CDK5RAP2: variants seen among roughly 807,000 people sequenced by gnomAD.
The protein encoded by CDK5RAP2 is CDK5 regulatory subunit associated protein 2, also known as CDK5 regulatory subunit-associated protein 2.
In CDK5RAP2, 147 loss-of-function variants were observed where a neutral mutation model predicts 232.9. The observed-to-expected ratio is 0.63, with a 90% CI of 0.55 to 0.72. The LOEUF (loss-of-function observed/expected upper bound fraction) is 0.72, where lower values mean the gene tolerates loss of function less well. Ranked by LOEUF, CDK5RAP2 falls within the 30% of genes least tolerant of loss-of-function variation. The pLI is 0.00. For synonymous variants in CDK5RAP2, 833 were observed against 833.7 expected, an observed-to-expected ratio of 1.00 and a Z score of 0.01; for missense variants, 2,195 against 2,231.5, an observed-to-expected ratio of 0.98 and a Z score of 0.33.
chr9:120,499,839 T>A (rs2039491367), intron 12 of CDK5RAP2, among the ~76,000 whole-genome samples: 1 of 152,220 alleles, frequency 6.6e-6, no homozygotes, highest in Non-Finnish European at 1.5e-5. Flanking sequence ...TTCTTGTCCA[T>A]CTGCAGCCCT....
At chr9:120,538,669 T>A (rs2041498138) in intron 6 of CDK5RAP2, among the ~76,000 whole-genome samples, 1 of 152,120 alleles carries the variant, frequency 6.6e-6, no homozygotes, top group African/African-American at 2.4e-5. Context: ...TCCACATCTT[T>A]AAAATAATGG....
At chr9:120,418,715 T>G (rs998492351) in intron 27 of CDK5RAP2, among the ~76,000 whole-genome samples, 30 of 152,172 alleles carry the variant, frequency 2.0e-4, no homozygotes, top group Non-Finnish European at 4.1e-4. Flanking sequence ...TAGGGCTAGA[T>G]AACGCTGCTG....
chr9:120,423,779 A>AATTC (rs2034714884), intron 25 of CDK5RAP2, among the ~76,000 whole-genome samples: 1 of 152,256 alleles, frequency 6.6e-6, no homozygotes, highest in African/African-American at 2.4e-5. Context: ...AATTTTCAAA[A>AATTC]CTATTCCTAA....
chr9:120,435,083 A>G (rs2035499820), intron 25 of CDK5RAP2, among the ~76,000 whole-genome samples: 1 of 152,268 alleles, frequency 6.6e-6, no homozygotes, highest in South Asian at 2.1e-4. Flanking sequence ...ATAAAAACAA[A>G]TGAATCTAAT....
chr9:120,477,085 G>A (rs1380623649), intron 15 of CDK5RAP2, among the ~76,000 whole-genome samples: 2 of 152,184 alleles, frequency 1.3e-5, no homozygotes, highest in East Asian at 3.8e-4. Context: ...ATATAATAAA[G>A]TATTTTTAAA....
At chr9:120,524,084 GGGAACC>G (rs2040793492) in intron 11 of CDK5RAP2, among the ~76,000 whole-genome samples, 1 of 152,036 alleles carries the variant, frequency 6.6e-6, no homozygotes, top group Non-Finnish European at 1.5e-5. Context: ...TACCAGTTTT[GGGAACC>G]TGTGCAAGCT....
rs771507633 is a variant in CDK5RAP2 at position 120,432,224 on chromosome 9, C to T, written c.3955+5071G>A. On this transcript the variant is annotated intron_variant, in intron 25 of 37. Transcript: ENST00000349780. ...TATACAAAAGAATGCCCTGCAGCCA[C>T]TAAAACTTACAATGTATACTTATTA... is the stretch of plus-strand genomic sequence containing the variant. 4.6e-5 allele frequency among the ~76,000 whole-genome samples: 7 copies of T among 152,178 alleles called. No homozygotes were observed. The South Asian group carries it at 1.0e-3, about 22-fold the overall frequency.
chr9:120,389,928 G>A (rs2131179815), intron 36 of CDK5RAP2, 141 bp from the exon 37 acceptor site: 1 of 755,996 alleles, frequency 1.3e-6, no homozygotes, highest in Non-Finnish European at 2.4e-6. Flanking sequence ...ATCCAGACCA[G>A]AGGGAGGTAC....
At chr9:120,534,490 C>T (rs1246498510) in intron 7 of CDK5RAP2, among the ~76,000 whole-genome samples, 2 of 152,184 alleles carry the variant, frequency 1.3e-5, no homozygotes, top group Non-Finnish European at 2.9e-5. Flanking sequence ...TAAGCTTCAA[C>T]TCAAACAATG....
intron 25 of CDK5RAP2, among the ~76,000 whole-genome samples, chr9:120,435,049 AG>A (rs1487002195): frequency 3.9e-5 from 6 of 152,240 alleles, no homozygotes; most frequent in Admixed American, 1.3e-4. Context: ...AAAATAGGGT[AG>A]AAAACTCTAA....
intron 11 of CDK5RAP2, among the ~76,000 whole-genome samples, chr9:120,519,780 C>T (rs1286053866): frequency 6.6e-6 from 1 of 152,212 alleles, no homozygotes; most frequent in East Asian, 1.9e-4. Context: ...TTCCCACTGC[C>T]ATGTCCTAGT....
At position 120,439,439 on chromosome 9, in the gene CDK5RAP2, G is replaced by A; in HGVS notation, c.3682C>T (p.His1228Tyr). 2 of 1,614,130 alleles carry A rather than the reference G, an allele frequency of 1.2e-6. No individual in the cohort carries two copies. The highest frequency in any genetic ancestry group is 2.2e-5 in the East Asian group (1 of 44,880). The change falls in exon 24 of 38, where the codon CAT becomes TAT. Residue 1228 changes from histidine to tyrosine, a missense_variant. Transcript: ENST00000349780. ...NLNMQLFSEI[H>Y]NLQNKFRDLS... ...TCTCTGAACTTATTCTGCAGATTATGGATCTCACTGAAAAGTTGCATGTTC... is the reference window on the plus strand; with the variant it reads ...TCTCTGAACTTATTCTGCAGATTATAGATCTCACTGAAAAGTTGCATGTTC...
rs1316792852 is a variant in CDK5RAP2, at chr9:120,572,337, T to TA, written c.60-297dup. Among the ~76,000 whole-genome samples the TA allele has an allele frequency of 2.0e-5, 3 of 152,336 alleles. No individual in the cohort carries two copies. The East Asian group carries it at 5.8e-4, about 29-fold the overall frequency. ...GGCACTGTGACAAGTACAAGATACT[T>TA]ATGTTTCTGAGTCTCACCCTCTTAA... On this transcript the variant is annotated intron_variant, in intron 1 of 37. Transcript: ENST00000349780.
In CDK5RAP2 at chr9:120,453,760, T is replaced by C; in HGVS notation, c.2489A>G (p.Lys830Arg). Residue 830 changes from lysine (K) to arginine (R), a missense_variant, in exon 21 of 38, where the codon AAA becomes AGA. Lys to Arg is a conservative substitution (Grantham distance 26). Coordinates refer to ENST00000349780, the MANE Select transcript of CDK5RAP2 (RefSeq NM_018249.6). ...DGKTEKTPKQ[K>R]GELVHFVQTN... ...TTGGACAAAATGTACAAGTTCACCT[T>C]TTTGCTTAGGTGTCTTCTCAGTTTT... 6.2e-7 allele frequency: 1 copy of C among 1,614,232 alleles called. No individual in the cohort carries two copies. Among genetic ancestry groups the C allele is most frequent in the Non-Finnish European group, 8.5e-7 (1 of 1,180,042 alleles).
chr9:120,571,693 C>A (rs567065567), intron 2 of CDK5RAP2: 53 of 421,330 alleles, frequency 1.3e-4, no homozygotes, highest in African/African-American at 8.7e-4. Context: ...AGCCTCCGTG[C>A]AGTTGTTCAG....
intron 35 of CDK5RAP2, among the ~76,000 whole-genome samples, chr9:120,397,544 T>TAAAAAAAAAAAAAAAAAAA (rs760469422): frequency 2.0e-5 from 1 of 49,156 alleles, no homozygotes; most frequent in Non-Finnish European, 3.7e-5. Context: ...AAAACATTCT[T>TAAAAAAAAAAAAAAAAAAA]AAAAAAAAAA....
intron 12 of CDK5RAP2, among the ~76,000 whole-genome samples, chr9:120,503,730 G>C (rs2039682615): frequency 6.6e-6 from 1 of 152,048 alleles, no homozygotes. Context: ...CACAATGGGA[G>C]CCCAGCACAG....
intron 20 of CDK5RAP2, among the ~76,000 whole-genome samples, chr9:120,454,545 C>T (rs564705529): frequency 9.2e-5 from 14 of 152,356 alleles, no homozygotes; most frequent in Admixed American, 9.1e-4. Flanking sequence ...AGATGCTTTT[C>T]ATGTCCTTGC....
At chr9:120,518,993 G>A (rs964892683) in intron 11 of CDK5RAP2, among the ~76,000 whole-genome samples, 10 of 151,910 alleles carry the variant, frequency 6.6e-5, no homozygotes, top group Non-Finnish European at 1.2e-4. Context: ...TGGCCAACAC[G>A]GTGAAACCCC....
Sources: allele counts gnomAD v4.1 joint callset (sites outside exome capture counted in the v4.1 genomes callset), GRCh38; gene constraint gnomAD v4.1.1; transcripts MANE v1.5; gene names NCBI Gene and HGNC (gene_info 2026-07-23, HGNC 2026-07-21).